The following STK33 variants were observed in gnomAD, a reference collection of about 807,000 sequenced individuals.
STK33 encodes the protein serine/threonine kinase 33, also known as serine/threonine-protein kinase 33.
A neutral mutation model predicts 58.0 loss-of-function variants in STK33; 52 were observed. The ratio of observed to expected loss-of-function variants is 0.90; its 90% CI spans 0.72 to 1.13. The LOEUF is 1.13. Ranked by LOEUF, STK33 falls within the 50% of genes most tolerant of loss-of-function variation. STK33 has a pLI of 0.00. For missense variants in STK33, 630 were observed against 604.2 expected (o/e 1.04, Z -0.45); for synonymous variants, 215 against 200.1 (o/e 1.07, Z -0.63).
chr11:8,526,245 T>G (rs1452021840), intron 1 of STK33, among the ~76,000 whole-genome samples: 7 of 151,822 alleles, frequency 4.6e-5, no homozygotes, highest in Non-Finnish European at 7.4e-5. Context: ...AATACAAAAA[T>G]TAGCTGGTCA....
intron 15 of STK33, among the ~76,000 whole-genome samples, chr11:8,396,276 G>A (rs1177639429): frequency 6.6e-6 from 1 of 152,072 alleles, no homozygotes; most frequent in African/African-American, 2.4e-5. Flanking sequence ...GCTAATTTTT[G>A]TATTTTTAGT....
At chr11:8,472,603 T>C (rs993129421) in intron 6 of STK33, among the ~76,000 whole-genome samples, 4 of 152,238 alleles carry the variant, frequency 2.6e-5, no homozygotes, top group African/African-American at 9.6e-5. Context: ...ATGGTAATAT[T>C]AACACAATTT....
At chr11:8,371,740 CCTCCCTCT>C in the STK33 span, among the ~76,000 whole-genome samples, 1 of 124,436 alleles carries the variant, frequency 8.0e-6, no homozygotes, top group African/African-American at 2.7e-5. Context: ...TCTCTCCCTC[CCTCCCTCT>C]CTCCCTCCCT....
intron 1 of STK33, among the ~76,000 whole-genome samples, chr11:8,525,237 T>C (rs1442489475): frequency 6.6e-6 from 1 of 152,174 alleles, no homozygotes; most frequent in Non-Finnish European, 1.5e-5. Context: ...TAGGTGTGTA[T>C]ATGCATATGT....
chr11:8,470,125 C>G (rs921259821), intron 6 of STK33, among the ~76,000 whole-genome samples: 2 of 152,256 alleles, frequency 1.3e-5, no homozygotes, highest in African/African-American at 4.8e-5. Flanking sequence ...TTACTCCTCT[C>G]TAGCTATGAA....
intron 15 of STK33, among the ~76,000 whole-genome samples, chr11:8,406,210 A>T (rs1453084338): frequency 6.6e-6 from 1 of 151,174 alleles, no homozygotes; most frequent in Non-Finnish European, 1.5e-5. Context: ...CTAGACTCCC[A>T]ATTTTGTTCT....
At chr11:8,431,463 C>T (rs377542777) in intron 14 of STK33, among the ~76,000 whole-genome samples, 6 of 152,050 alleles carry the variant, frequency 3.9e-5, no homozygotes, top group Admixed American at 1.3e-4. Context: ...TAGGAAAGAC[C>T]GTTCTGAAAT....
chr11:8,392,195 A>G lies in STK33; in HGVS notation c.*315T>C, dbSNP rs976665855. On this transcript the variant is annotated 3_prime_UTR_variant, in exon 16 of 16. Transcript: ENST00000687296. ...CCTAAACATAAGAATTTGAAGTAAA[A>G]ATGAGCAAGTGTGCCCACAGCCTTA... The G allele has an allele frequency of 1.6e-5, 5 of 317,426 alleles. No individual in the cohort carries two copies. Among genetic ancestry groups the G allele is most frequent in the African/African-American group, 1.1e-4 (5 of 47,196 alleles). 19.7% of individuals were successfully genotyped at this position (317,426 alleles called of 1,614,324 possible).
intron 1 of STK33, among the ~76,000 whole-genome samples, chr11:8,583,395 T>TA (rs2030800222): frequency 6.6e-6 from 1 of 152,176 alleles, no homozygotes; most frequent in African/African-American, 2.4e-5. Context: ...TTGATAACAT[T>TA]ACTCATGAGA....
chr11:8,519,897 C>A (rs187006335), intron 1 of STK33, among the ~76,000 whole-genome samples: 3 of 152,126 alleles, frequency 2.0e-5, no homozygotes, highest in Non-Finnish European at 2.9e-5. Context: ...GATTCACAGC[C>A]GAATTCTACC....
At chr11:8,459,729 G>A (rs1565064341) in intron 8 of STK33, among the ~76,000 whole-genome samples, 1 of 152,068 alleles carries the variant, frequency 6.6e-6, no homozygotes, top group Non-Finnish European at 1.5e-5. Flanking sequence ...GGAAGCCCAG[G>A]AAGGTCAAGA....
In STK33 at chr11:8,462,054, T is replaced by C. The variant is rs2137298406; in HGVS notation, c.454-145A>G. ...CATACATTTTTTGAGATGTTTCTTT[T>C]TCAAATGATATCATGCCATTTATTC... On this transcript the variant is annotated intron_variant, in intron 7 of 15. Transcript: ENST00000687296. 1.1e-5 allele frequency: 6 copies of C among 564,258 alleles called. No individual in the cohort carries two copies. In the South Asian group the frequency reaches 1.4e-4, roughly 14 times the overall value. 35.0% of individuals were successfully genotyped at this position (564,258 alleles called of 1,614,324 possible). A position where few individuals can be genotyped will look rare whatever the true frequency, so the allele number is the denominator to read the frequency against.
the STK33 span, among the ~76,000 whole-genome samples, chr11:8,337,420 G>A: frequency 6.6e-6 from 1 of 152,184 alleles, no homozygotes; most frequent in Non-Finnish European, 1.5e-5. Context: ...GGCTGAGGAA[G>A]GATGCTGGTG....
rs576111579 is a variant in STK33, at chr11:8,516,888, T to C, written c.-465-36274A>G. Among the ~76,000 whole-genome samples, 3 of 152,264 alleles carry C rather than the reference T, an allele frequency of 2.0e-5. No homozygotes were observed. The South Asian group carries it at 6.2e-4, about 32-fold the overall frequency. Reference sequence around the variant, plus strand: ...GCTCAAGGAGGCCTGCCTGCCTCTGTAGACTCCACATCTGGGGCAGGGCAT... The same window carrying C: ...GCTCAAGGAGGCCTGCCTGCCTCTGCAGACTCCACATCTGGGGCAGGGCAT... On this transcript the variant is annotated intron_variant, in intron 1 of 15. Transcript: ENST00000687296.
the STK33 span, among the ~76,000 whole-genome samples, chr11:8,354,452 C>A: frequency 2.0e-4 from 28 of 140,198 alleles, no homozygotes. Flanking sequence ...ATCAACATTC[C>A]AGAGTACAAG....
chr11:8,377,341 A>G, the STK33 span, among the ~76,000 whole-genome samples: 50 of 152,264 alleles, frequency 3.3e-4, no homozygotes, highest in Non-Finnish European at 6.8e-4. Flanking sequence ...AAAATGGGAT[A>G]TATCATATAA....
intron 15 of STK33, among the ~76,000 whole-genome samples, chr11:8,413,167 C>G (rs1413019758): frequency 2.0e-5 from 3 of 152,150 alleles, no homozygotes; most frequent in Admixed American, 6.5e-5. Flanking sequence ...CATTTGTTGT[C>G]TATGGCTGTT....
intron 11 of STK33, among the ~76,000 whole-genome samples, chr11:8,448,438 T>G (rs1183252264): frequency 6.6e-6 from 1 of 152,140 alleles, no homozygotes; most frequent in South Asian, 2.1e-4. Flanking sequence ...AATAGAGATA[T>G]AGACCAATGG....
intron 13 of STK33, 111 bp from the exon 14 acceptor site, chr11:8,435,690 G>A (rs10769907): frequency 0.51 from 268,099 of 526,790 alleles, 69,491 homozygotes; most frequent in Middle Eastern, 0.63. Flanking sequence ...GATGCCAAGT[G>A]TACAATAAAA....
Sources: gnomAD v4.1 joint callset for allele counts (sites outside exome capture counted in the v4.1 genomes callset) on GRCh38, gnomAD v4.1.1 for gene constraint, MANE v1.5 for transcripts, NCBI Gene and HGNC (gene_info 2026-07-23, HGNC 2026-07-21) for gene names.